Variants in FGF14 observed in about 807,000 individuals in gnomAD.
FGF14 encodes fibroblast growth factor homologous factor 4.
In FGF14, 5 loss-of-function variants were observed where a neutral mutation model predicts 25.5. The observed-to-expected ratio is 0.20, with a 90% CI of 0.10 to 0.41. The LOEUF (loss-of-function observed/expected upper bound fraction) is 0.41. Ranked by LOEUF, FGF14 falls within the 10% of genes least tolerant of loss-of-function variation. The pLI, the probability that FGF14 is intolerant of heterozygous loss-of-function variation, is 1.00. For synonymous variants in FGF14, 138 were observed against 118.3 expected (o/e 1.17, Z -1.08); for missense variants, 222 against 320.1 (o/e 0.69, Z 2.34).
intron 1 of FGF14, among the ~76,000 whole-genome samples, chr13:101,994,619 C>T (rs2039083497): frequency 2.0e-5 from 3 of 151,952 alleles, no homozygotes; most frequent in Admixed American, 2.0e-4. Context: ...AATTGTGCAA[C>T]TTTTATTTCA....
At chr13:102,180,181 A>G (rs7317699) in intron 1 of FGF14, among the ~76,000 whole-genome samples, 106,700 of 152,100 alleles carry the variant, frequency 0.7, 37,771 homozygotes, top group Middle Eastern at 0.79. Context: ...AAGACACATC[A>G]TATAAAATTG....
chr13:101,892,788 C>T (rs1186029412), intron 1 of FGF14, among the ~76,000 whole-genome samples: 3 of 152,006 alleles, frequency 2.0e-5, no homozygotes, highest in African/African-American at 7.3e-5. Context: ...CCATATCTGG[C>T]CAAATAACAG....
intron 1 of FGF14, among the ~76,000 whole-genome samples, chr13:101,892,609 G>A (rs1245776554): frequency 6.6e-6 from 1 of 152,162 alleles, no homozygotes; most frequent in Non-Finnish European, 1.5e-5. Flanking sequence ...GAACAAGGAG[G>A]TAGTTTGTCC....
At chr13:102,399,869 G>T (rs1389931945) in intron 1 of FGF14, among the ~76,000 whole-genome samples, 2 of 152,152 alleles carry the variant, frequency 1.3e-5, no homozygotes, top group Non-Finnish European at 2.9e-5. Context: ...AGTCCACGGA[G>T]CAGCCAGAGG....
intron 1 of FGF14, among the ~76,000 whole-genome samples, chr13:102,044,885 A>G (rs1255112415): frequency 3.3e-5 from 5 of 152,166 alleles, no homozygotes; most frequent in African/African-American, 1.2e-4. Context: ...AAAATACTCT[A>G]GATCTATTGG....
intron 3 of FGF14, among the ~76,000 whole-genome samples, chr13:101,841,453 CAAT>C (rs1261914177): frequency 6.6e-6 from 1 of 151,866 alleles, no homozygotes; most frequent in Non-Finnish European, 1.5e-5. Flanking sequence ...TAAATTGTAG[CAAT>C]AATAGACATT....
chr13:102,328,183 C>A (rs1319914219), intron 1 of FGF14, among the ~76,000 whole-genome samples: 1 of 152,120 alleles, frequency 6.6e-6, no homozygotes, highest in Non-Finnish European at 1.5e-5. Flanking sequence ...TTAACATAAA[C>A]AAACATTTGC....
chr13:102,326,791 G>A (rs144370953), intron 1 of FGF14, among the ~76,000 whole-genome samples: 1 of 150,712 alleles, frequency 6.6e-6, no homozygotes, highest in African/African-American at 2.4e-5. Context: ...AAGGAAGGAA[G>A]GAAGGAAGGA....
Position 101,780,330 on chromosome 13 carries a change from C to T in FGF14, c.409-53520G>A, listed in dbSNP as rs1383533159. Among the ~76,000 whole-genome samples the T allele has an allele frequency of 3.9e-5, 6 of 152,278 alleles. No individual in the cohort carries two copies. In the East Asian group the frequency reaches 1.2e-3, roughly 29 times the overall value. On this transcript the variant is annotated intron_variant, in intron 3 of 4. Transcript: ENST00000376143. The stretch of plus-strand genomic sequence containing the variant: ...ATCTTTTGAAGGTAGTTGTGGTTCA[C>T]AGGATCTCAGCAGCCAGAAATACTG...
intron 1 of FGF14, among the ~76,000 whole-genome samples, chr13:101,903,530 A>C (rs1055859338): frequency 2.0e-5 from 3 of 151,682 alleles, no homozygotes; most frequent in African/African-American, 7.3e-5. Context: ...TTTAGTGGAG[A>C]CTTGGGTAGG....
intron 3 of FGF14, among the ~76,000 whole-genome samples, chr13:101,769,844 G>C (rs1341197392): frequency 1.3e-5 from 2 of 152,034 alleles, no homozygotes; most frequent in Non-Finnish European, 1.5e-5. Flanking sequence ...AGATTTTTAG[G>C]GCAGTGAAAA....
At chr13:102,111,641 A>G (rs1024171591) in intron 1 of FGF14, among the ~76,000 whole-genome samples, 1 of 151,924 alleles carries the variant, frequency 6.6e-6, no homozygotes, top group Non-Finnish European at 1.5e-5. Context: ...GCTTGAGTCC[A>G]GGAGGTGGAG....
At chr13:101,972,858 T>C (rs2037689575) in intron 1 of FGF14, among the ~76,000 whole-genome samples, 1 of 152,182 alleles carries the variant, frequency 6.6e-6, no homozygotes, top group Non-Finnish European at 1.5e-5. Context: ...AGCCAATAAA[T>C]TTAATGCATA....
intron 3 of FGF14, among the ~76,000 whole-genome samples, chr13:101,823,306 A>G (rs1476949326): frequency 6.6e-6 from 1 of 151,038 alleles, no homozygotes; most frequent in Non-Finnish European, 1.5e-5. Flanking sequence ...TCTTCGTGCT[A>G]TTATTCTACT....
At chr13:102,381,284 A>G (rs1322735455) in intron 1 of FGF14, among the ~76,000 whole-genome samples, 2 of 152,196 alleles carry the variant, frequency 1.3e-5, no homozygotes, top group African/African-American at 4.8e-5. Flanking sequence ...TGTGGTCTAA[A>G]TGTCTGCGTT....
chr13:102,167,928 G>A (rs532281999), intron 1 of FGF14, among the ~76,000 whole-genome samples: 22 of 151,760 alleles, frequency 1.4e-4, no homozygotes, highest in African/African-American at 3.6e-4. Flanking sequence ...CCAGGTATAC[G>A]CACACACAAA....
chr13:102,131,910 TA>T (rs1430515612), intron 1 of FGF14, among the ~76,000 whole-genome samples: 12 of 152,230 alleles, frequency 7.9e-5, no homozygotes, highest in Non-Finnish European at 2.9e-5. Context: ...AAGTCAATAT[TA>T]CCAACTGTGA....
chr13:101,975,120 C>T, intron 1 of FGF14, among the ~76,000 whole-genome samples: 1 of 152,162 alleles, frequency 6.6e-6, no homozygotes, highest in East Asian at 1.9e-4. Flanking sequence ...TCCATGACGA[C>T]TGACACCTTC....
At chr13:102,302,472 G>A (rs2055119095) in intron 1 of FGF14, among the ~76,000 whole-genome samples, 1 of 152,038 alleles carries the variant, frequency 6.6e-6, no homozygotes, top group South Asian at 2.1e-4. Context: ...TGATTTCCAG[G>A]TGGAGCCATG....
Sources: allele counts gnomAD v4.1 joint callset (sites outside exome capture counted in the v4.1 genomes callset), GRCh38; gene constraint gnomAD v4.1.1; transcripts MANE v1.5; gene names NCBI Gene and HGNC (gene_info 2026-07-23, HGNC 2026-07-21).